The following TBCD variants were observed in gnomAD, a reference collection of about 807,000 sequenced individuals.
TBCD encodes tubulin-specific chaperone D.
In TBCD, 105 loss-of-function variants were observed where a neutral mutation model predicts 169.3. That is an observed-to-expected ratio of 0.62 (90% CI 0.53 to 0.73). The LOEUF is 0.73. Among genes scored for constraint, TBCD ranks in the 30% least tolerant of loss-of-function variants. The probability of loss-of-function intolerance (pLI) is 0.00; values close to 1 mark genes in which losing one functional copy is unlikely to be tolerated. For missense variants in TBCD, 1,444 were observed against 1,600.1 expected (o/e 0.90, Z 1.66); for synonymous variants, 700 against 643.9 (o/e 1.09, Z -1.32).
chr17:82,767,467 G>A (rs1373176073), intron 4 of TBCD, among the ~76,000 whole-genome samples: 2 of 151,892 alleles, frequency 1.3e-5, no homozygotes, highest in Non-Finnish European at 2.9e-5. Context: ...AAAAGACAGA[G>A]TTTCACTCTT....
chr17:82,817,421 T>A (rs546417907), intron 13 of TBCD, among the ~76,000 whole-genome samples: 58 of 152,202 alleles, frequency 3.8e-4, no homozygotes, highest in Non-Finnish European at 5.9e-4. Flanking sequence ...CTCAGTCCCC[T>A]AAGTAGCTGG....
chr17:82,856,649 C>T (rs1014129281), intron 13 of TBCD, among the ~76,000 whole-genome samples: 2 of 152,224 alleles, frequency 1.3e-5, no homozygotes, highest in Non-Finnish European at 2.9e-5. Context: ...GTGAAGAATG[C>T]TTCTGTGAAC....
chr17:82,863,271 G>T (rs971944869), intron 13 of TBCD, among the ~76,000 whole-genome samples: 2 of 152,106 alleles, frequency 1.3e-5, no homozygotes, highest in African/African-American at 4.8e-5. Flanking sequence ...AGGAGGAGAA[G>T]CATTTCTTCC....
intron 8 of TBCD, among the ~76,000 whole-genome samples, chr17:82,799,749 C>G (rs548627023): frequency 6.6e-6 from 1 of 152,196 alleles, no homozygotes; most frequent in Non-Finnish European, 1.5e-5. Flanking sequence ...GCCCTGTCGG[C>G]GGGAGGAGCG....
At chr17:82,902,015 C>T (rs7209736) in intron 18 of TBCD, among the ~76,000 whole-genome samples, 151,213 of 152,202 alleles carry the variant, frequency 0.99, 75,123 homozygotes, top group East Asian at 1. Flanking sequence ...ATGCCCGTGG[C>T]GTCGGAGCTG....
At chr17:82,756,407 G>A (rs1418586777) in intron 2 of TBCD, among the ~76,000 whole-genome samples, 192 bp downstream of exon 2, 1 of 152,180 alleles carries the variant, frequency 6.6e-6, no homozygotes, top group Non-Finnish European at 1.5e-5. Flanking sequence ...CTCTAGGCTG[G>A]GGGGAGATGT....
intron 34 of TBCD, among the ~76,000 whole-genome samples, chr17:82,936,199 T>C (rs1272193366): frequency 6.6e-6 from 1 of 152,224 alleles, no homozygotes; most frequent in African/African-American, 2.4e-5. Flanking sequence ...CCTCTCTCTT[T>C]GCTTCATTAC....
rs367691082 is a variant in TBCD at position 82,923,870 on chromosome 17, G to A, written c.2260+137G>A. The A allele has an allele frequency of 3.4e-5, 24 of 698,428 alleles. No individual in the cohort carries two copies. The highest frequency in any genetic ancestry group is 2.7e-4 in the African/African-American group (15 of 55,234). 43.3% of individuals were successfully genotyped at this position (698,428 alleles called of 1,614,324 possible). On this transcript the variant is annotated intron_variant, in intron 26 of 38. Coordinates refer to ENST00000355528, the MANE Select transcript of TBCD (RefSeq NM_005993.5). This position sits in a 1 kb window ranked among gnomAD's most constrained non-coding sequence, Gnocchi z 4.6. ...GATCATGGCTGGAGTGGGACTGTTC[G>A]GGTCTCAGGTTCCCAGCCGAGGAGC... is the stretch of plus-strand genomic sequence containing the variant.
Position 82,831,034 on chromosome 17 carries a change from G to T in TBCD, c.1318+16100G>T. The T allele has an allele frequency of 6.2e-7, 1 of 1,614,164 alleles. No individual in the cohort carries two copies. Among genetic ancestry groups the T allele is most frequent in the African/African-American group, 1.3e-5 (1 of 75,052 alleles). On this transcript the variant is annotated intron_variant, in intron 13 of 38. Transcript: ENST00000355528. The surrounding 1 kb of genome is among the most constrained non-coding windows in gnomAD (Gnocchi z 4.6). ...ATTTTCTTACCTTACTGGAGACTCTGCTGTGGTCTCAGCAGCCTGGGCAGG... is the reference window on the plus strand; with the variant it reads ...ATTTTCTTACCTTACTGGAGACTCTTCTGTGGTCTCAGCAGCCTGGGCAGG...
At chr17:82,896,343 C>G (rs777799908) in intron 17 of TBCD, among the ~76,000 whole-genome samples, 1 of 151,926 alleles carries the variant, frequency 6.6e-6, no homozygotes, top group Non-Finnish European at 1.5e-5. Context: ...AGTGTCTTGT[C>G]TGGGTTGTCA....
At chr17:82,834,880 T>TA (rs148009121) in intron 13 of TBCD, among the ~76,000 whole-genome samples, 5,738 of 149,348 alleles carry the variant, frequency 0.038, 374 homozygotes, top group African/African-American at 0.13. Flanking sequence ...TAAAGTATAA[T>TA]AAAAAAAAAA....
intron 6 of TBCD, among the ~76,000 whole-genome samples, chr17:82,776,498 T>C (rs1175937777): frequency 1.3e-5 from 2 of 152,218 alleles, no homozygotes; most frequent in East Asian, 3.8e-4. Flanking sequence ...GTTTATCTTC[T>C]TTGCACCGTT....
chr17:82,906,655 C>T (rs1181136351), intron 20 of TBCD, among the ~76,000 whole-genome samples: 1 of 152,238 alleles, frequency 6.6e-6, no homozygotes, highest in African/African-American at 2.4e-5. Context: ...ATAGTGACGG[C>T]AACCTGCTTC....
At chr17:82,756,059 A>G in intron 1 of TBCD, 106 bp from the exon 2 acceptor site, 1 of 962,834 alleles carries the variant, frequency 1.0e-6, no homozygotes, top group East Asian at 2.6e-5. Context: ...GCTGGGGAAG[A>G]GGTGGAGCTG....
intron 3 of TBCD, among the ~76,000 whole-genome samples, chr17:82,765,543 A>G (rs1257247437): frequency 1.3e-5 from 2 of 152,138 alleles, no homozygotes; most frequent in Non-Finnish European, 2.9e-5. Flanking sequence ...GGCGAGGCGC[A>G]TTTCTGTTGT....
chr17:82,776,880 T>C (rs1212339196), intron 6 of TBCD, among the ~76,000 whole-genome samples: 1 of 152,140 alleles, frequency 6.6e-6, no homozygotes, highest in Admixed American at 6.5e-5. Context: ...ATGGTGTCGC[T>C]GATTGCAGGT....
chr17:82,942,656 G>A lies in TBCD; in HGVS notation c.*193G>A. 1 of 654,360 alleles carries A rather than the reference G, an allele frequency of 1.5e-6. No homozygotes were observed. The highest frequency in any genetic ancestry group is 2.7e-6 in the Non-Finnish European group (1 of 374,094). The allele number at this position is 654,360 out of a possible 1,614,324, so 40.5% of individuals were successfully genotyped here. ...CTGGTGACTTGGGGTGGACGCCTCT[G>A]CCTTCACTTGAACACAAATGTGCTT... On this transcript the variant is annotated 3_prime_UTR_variant, in exon 39 of 39. Transcript: ENST00000355528.
intron 36 of TBCD, among the ~76,000 whole-genome samples, chr17:82,938,376 C>T (rs919988530): frequency 6.6e-6 from 1 of 152,168 alleles, no homozygotes; most frequent in East Asian, 1.9e-4. Flanking sequence ...TGAGGGGTGA[C>T]CTGGCGGTGG....
In TBCD at chr17:82,889,778, T is replaced by C; in HGVS notation, c.1563+81T>C. The C allele has an allele frequency of 6.5e-7, 1 of 1,535,738 alleles. No individual in the cohort carries two copies. Among genetic ancestry groups the C allele is most frequent in the South Asian group, 1.1e-5 (1 of 87,238 alleles). ...GGAATCTTGAGAGCTATAACCCTGGTGTCTTCTCGCACTGTGAGATGTGGT... is the reference window on the plus strand; with the variant it reads ...GGAATCTTGAGAGCTATAACCCTGGCGTCTTCTCGCACTGTGAGATGTGGT... On this transcript the variant is annotated intron_variant, in intron 16 of 38. Coordinates refer to ENST00000355528, the MANE Select transcript of TBCD (RefSeq NM_005993.5). This position sits in a 1 kb window ranked among gnomAD's most constrained non-coding sequence, Gnocchi z 5.3.
Sources: allele counts gnomAD v4.1 joint callset (sites outside exome capture counted in the v4.1 genomes callset), GRCh38; gene constraint gnomAD v4.1.1; non-coding constraint Gnocchi (gnomAD v3.1); transcripts MANE v1.5; gene names NCBI Gene and HGNC (gene_info 2026-07-23, HGNC 2026-07-21).